Variants in APOO observed in about 807,000 individuals in gnomAD.
APOO encodes MICOS complex subunit MIC26.
A neutral mutation model predicts 23.1 loss-of-function variants in APOO; 11 were observed. That is an observed-to-expected ratio of 0.48 (90% CI 0.30 to 0.79). The LOEUF is 0.79. APOO is among the 30% of genes least tolerant of loss of function. APOO has a pLI of 0.07. For missense variants in APOO, 160 were observed against 142.7 expected, an observed-to-expected ratio of 1.12 and a Z score of -0.62; for synonymous variants, 59 against 54.8, an observed-to-expected ratio of 1.08 and a Z score of -0.34.
rs1924774364 is a variant in APOO, at chrX:23,856,163, T to C, written c.561+139A>G. 6.4e-6 allele frequency: 4 copies of C among 623,269 alleles called. No individual in the cohort carries two copies. In the Admixed American group the frequency reaches 1.2e-4, roughly 19 times the overall value. 51.4% of individuals were successfully genotyped at this position (623,269 alleles called of 1,213,427 possible). ...TACTGCTCTACCAAGAAAGGTCACC[T>C]GAAAAATCTGAGCTGGAGACAGAAC... On this transcript the variant is annotated intron_variant, in intron 7 of 8. Transcript: ENST00000379226.
intron 8 of APOO, among the ~76,000 whole-genome samples, chrX:23,838,463 C>T (rs1305274770): frequency 1.9e-5 from 2 of 108,066 alleles, no homozygotes; most frequent in African/African-American, 6.7e-5. Flanking sequence ...TTTGCCCAGG[C>T]TAGAGTGCAA....
chrX:23,903,366 T>C (rs1263878907), intron 1 of APOO, among the ~76,000 whole-genome samples: 1 of 103,540 alleles, frequency 9.7e-6, no homozygotes, highest in Non-Finnish European at 2.0e-5. Flanking sequence ...CGAGACTCCA[T>C]CTAGAAAAAA....
intron 7 of APOO, among the ~76,000 whole-genome samples, chrX:23,848,688 C>CTTTTT (rs762700350): frequency 1.0e-5 from 1 of 95,290 alleles, no homozygotes. Flanking sequence ...ATTTTCTTTT[C>CTTTTT]TTTTTTTTTT....
chrX:23,901,894 T>G (rs760636445), intron 1 of APOO, among the ~76,000 whole-genome samples: 7 of 112,452 alleles, frequency 6.2e-5, no homozygotes, highest in Non-Finnish European at 1.1e-4. Context: ...GTCTTAACAC[T>G]GTTCTGAACA....
intron 8 of APOO, chrX:23,836,629 T>TTC (rs1321343084): frequency 6.2e-5 from 44 of 711,510 alleles, no homozygotes; most frequent in Middle Eastern, 5.2e-4. Context: ...TAATTTCTTT[T>TTC]TTTTTTTTTT....
chrX:23,834,109 G>C (rs1197386794), intron 8 of APOO, among the ~76,000 whole-genome samples: 1 of 109,575 alleles, frequency 9.1e-6, no homozygotes, highest in Non-Finnish European at 1.9e-5. Flanking sequence ...CTAAGAATCA[G>C]AAAGGTCGAG....
intron 8 of APOO, among the ~76,000 whole-genome samples, chrX:23,835,587 C>T (rs759112762): frequency 9.0e-6 from 1 of 111,574 alleles, no homozygotes; most frequent in Non-Finnish European, 1.9e-5. Context: ...CATGGTAGTC[C>T]ATACTAGGAA....
intron 1 of APOO, among the ~76,000 whole-genome samples, chrX:23,889,097 G>A (rs756911811): frequency 1.4e-3 from 156 of 109,785 alleles, no homozygotes; most frequent in Non-Finnish European, 2.4e-3. Context: ...AGCTATAATC[G>A]CGTCACTGCA....
chrX:23,846,628 C>CAAA (rs59513332), intron 7 of APOO, among the ~76,000 whole-genome samples: 13 of 40,341 alleles, frequency 3.2e-4, no homozygotes, highest in African/African-American at 8.7e-4. Context: ...GACTCCATCT[C>CAAA]AAAAAAAAAA....
intron 1 of APOO, among the ~76,000 whole-genome samples, chrX:23,895,164 CCA>C (rs1183553451): frequency 9.1e-6 from 1 of 109,535 alleles, no homozygotes; most frequent in Admixed American, 9.8e-5. Flanking sequence ...TTCATTATCT[CCA>C]CACACACACA....
intron 7 of APOO, among the ~76,000 whole-genome samples, chrX:23,845,624 C>T (rs1924194398): frequency 8.9e-6 from 1 of 112,573 alleles, no homozygotes; most frequent in South Asian, 3.6e-4. Flanking sequence ...GATTAGCTTA[C>T]TTCAAAGATG....
At chrX:23,892,629 A>G (rs778546839) in intron 1 of APOO, among the ~76,000 whole-genome samples, 6 of 107,224 alleles carry the variant, frequency 5.6e-5, no homozygotes, top group South Asian at 4.5e-4. Flanking sequence ...TTAGCAGGGC[A>G]TGGTGGCGGG....
At chrX:23,835,914 T>C (rs192023717) in intron 8 of APOO, among the ~76,000 whole-genome samples, 1 of 112,215 alleles carries the variant, frequency 8.9e-6, no homozygotes, top group Non-Finnish European at 1.9e-5. Flanking sequence ...ACAGGAATTC[T>C]AAAGGACAAA....
chrX:23,900,843 C>G (rs994736178), intron 1 of APOO, among the ~76,000 whole-genome samples: 1 of 111,010 alleles, frequency 9.0e-6, no homozygotes, highest in African/African-American at 3.3e-5. Context: ...AAGAAACAAC[C>G]AATTGATTCT....
intron 4 of APOO, among the ~76,000 whole-genome samples, chrX:23,869,347 T>C (rs1925494255): frequency 9.0e-6 from 1 of 111,347 alleles, no homozygotes; most frequent in African/African-American, 3.3e-5. Flanking sequence ...ACAGGGATCC[T>C]TTGCTATTCA....
intron 1 of APOO, chrX:23,883,309 G>T (rs1435229082): frequency 9.0e-6 from 1 of 111,077 alleles, no homozygotes; most frequent in East Asian, 2.8e-4. Context: ...TAGCGGGCAG[G>T]CACACAAGCG....
At chrX:23,888,415 T>A (rs1926467324) in intron 1 of APOO, among the ~76,000 whole-genome samples, 1 of 112,106 alleles carries the variant, frequency 8.9e-6, no homozygotes. Flanking sequence ...AAATATTTAC[T>A]GCACACCCAC....
intron 1 of APOO, among the ~76,000 whole-genome samples, chrX:23,902,256 G>A (rs1376746918): frequency 9.0e-6 from 1 of 111,723 alleles, no homozygotes; most frequent in Non-Finnish European, 1.9e-5. Context: ...AGTGCATTGT[G>A]AGCTTCTGAA....
chrX:23,843,784 A>G, intron 7 of APOO, among the ~76,000 whole-genome samples: 1 of 110,408 alleles, frequency 9.1e-6, no homozygotes, highest in East Asian at 2.8e-4. Flanking sequence ...GGGTTTCACC[A>G]TGTTGGCCAG....
Sources: allele counts gnomAD v4.1 joint callset (sites outside exome capture counted in the v4.1 genomes callset), GRCh38; gene constraint gnomAD v4.1.1; transcripts MANE v1.5; gene names NCBI Gene and HGNC (gene_info 2026-07-23, HGNC 2026-07-21).